Variants in BACH2 observed in about 807,000 individuals in gnomAD.
BACH2 encodes the protein transcription regulator protein BACH2.
Under a neutral mutation model 61.8 loss-of-function variants are expected in BACH2, and 5 were observed. The ratio of observed to expected loss-of-function variants is 0.08; its 90% confidence interval spans 0.04 to 0.17. The LOEUF is 0.17. BACH2 is among the 10% of genes least tolerant of loss of function. The probability of loss-of-function intolerance (pLI) is 1.00; values close to 1 mark genes in which losing one functional copy is unlikely to be tolerated. For synonymous variants in BACH2, 446 were observed against 440.1 expected (o/e 1.01, Z -0.17); for missense variants, 824 against 1,091.1 (o/e 0.76, Z 3.45).
intron 4 of BACH2, among the ~76,000 whole-genome samples, chr6:90,191,959 A>T (rs560301099): frequency 6.6e-6 from 1 of 152,368 alleles, no homozygotes; most frequent in South Asian, 2.1e-4. Flanking sequence ...TAACCATTAT[A>T]AATGAAAAGG....
chr6:90,015,075 C>A (rs1777987093), intron 5 of BACH2, among the ~76,000 whole-genome samples: 1 of 152,002 alleles, frequency 6.6e-6, no homozygotes, highest in South Asian at 2.1e-4. Flanking sequence ...AGCCACCACA[C>A]CCAGCCCATA....
chr6:90,076,847 C>A (rs1433393813), intron 5 of BACH2, among the ~76,000 whole-genome samples: 4 of 152,130 alleles, frequency 2.6e-5, no homozygotes, highest in Non-Finnish European at 1.5e-5. Context: ...TAATTACAAA[C>A]CTGGGTTAAA....
intron 2 of BACH2, among the ~76,000 whole-genome samples, chr6:90,256,534 A>G (rs1770984615): frequency 6.6e-6 from 1 of 152,216 alleles, no homozygotes; most frequent in Non-Finnish European, 1.5e-5. Flanking sequence ...CCTACCATTC[A>G]TCAACACCCA....
At chr6:90,210,181 G>T (rs901559710) in intron 3 of BACH2, among the ~76,000 whole-genome samples, 2 of 152,046 alleles carry the variant, frequency 1.3e-5, no homozygotes, top group South Asian at 2.1e-4. Flanking sequence ...AGAGGTAAAA[G>T]AATTTTTCCT....
At chr6:90,249,487 C>G (rs895608092) in intron 3 of BACH2, among the ~76,000 whole-genome samples, 3 of 152,124 alleles carry the variant, frequency 2.0e-5, no homozygotes, top group Non-Finnish European at 4.4e-5. Context: ...ATCATAAAAA[C>G]AGGCCAGGCG....
intron 4 of BACH2, among the ~76,000 whole-genome samples, chr6:90,101,664 T>C (rs1040151280): frequency 1.1e-4 from 16 of 152,210 alleles, no homozygotes; most frequent in Admixed American, 9.8e-4. Flanking sequence ...TCCCTTGCAT[T>C]TCCATATGAA....
At chr6:90,174,146 C>T (rs979043013) in intron 4 of BACH2, among the ~76,000 whole-genome samples, 1 of 151,976 alleles carries the variant, frequency 6.6e-6, no homozygotes, top group Non-Finnish European at 1.5e-5. Flanking sequence ...ATAAGACAGT[C>T]TCATTTATGA....
intron 4 of BACH2, among the ~76,000 whole-genome samples, chr6:90,119,427 C>A (rs1783534179): frequency 6.6e-6 from 1 of 152,096 alleles, no homozygotes; most frequent in South Asian, 2.1e-4. Flanking sequence ...TTGAGAAATG[C>A]ATTATTTAAA....
At chr6:90,112,806 G>A (rs1783232984) in intron 4 of BACH2, among the ~76,000 whole-genome samples, 1 of 152,062 alleles carries the variant, frequency 6.6e-6, no homozygotes, top group Non-Finnish European at 1.5e-5. Context: ...GGCACAGAGT[G>A]GCAAGCTGGA....
intron 3 of BACH2, among the ~76,000 whole-genome samples, chr6:90,244,727 C>G (rs999109130): frequency 9.9e-5 from 15 of 152,268 alleles, no homozygotes; most frequent in African/African-American, 3.4e-4. Flanking sequence ...CTGACACATC[C>G]CATGTTTACC....
intron 4 of BACH2, among the ~76,000 whole-genome samples, chr6:90,105,649 C>T (rs1448755293): frequency 1.3e-5 from 2 of 152,198 alleles, no homozygotes; most frequent in Non-Finnish European, 2.9e-5. Flanking sequence ...ACATATTACA[C>T]CCACTTTCAG....
intron 1 of BACH2, among the ~76,000 whole-genome samples, chr6:90,280,526 T>TAC (rs1771827669): frequency 6.6e-6 from 1 of 152,228 alleles, no homozygotes; most frequent in South Asian, 2.1e-4. Flanking sequence ...ACATACAGTT[T>TAC]ATTCTATAAA....
chr6:90,243,991 A>T (rs1395589643), intron 3 of BACH2, among the ~76,000 whole-genome samples: 1 of 152,114 alleles, frequency 6.6e-6, no homozygotes, highest in Non-Finnish European at 1.5e-5. Context: ...GCATGATCTC[A>T]GCTCACTGCA....
intron 4 of BACH2, among the ~76,000 whole-genome samples, chr6:90,125,641 T>A (rs1454537196): frequency 6.6e-6 from 1 of 152,216 alleles, no homozygotes; most frequent in Non-Finnish European, 1.5e-5. Context: ...ACGGGTCAGA[T>A]GCTGTGTACT....
At chr6:90,295,062 G>A (rs1175357885) in intron 1 of BACH2, among the ~76,000 whole-genome samples, 1 of 152,216 alleles carries the variant, frequency 6.6e-6, no homozygotes, top group Admixed American at 6.5e-5. Context: ...AGACAGCGAA[G>A]GTGAAAACCA....
At chr6:90,078,306 A>G (rs980457412) in intron 5 of BACH2, among the ~76,000 whole-genome samples, 3 of 152,192 alleles carry the variant, frequency 2.0e-5, no homozygotes, top group African/African-American at 7.2e-5. Flanking sequence ...TTAGAACTGA[A>G]CATCCATGTT....
chr6:90,277,387 A>G (rs1316301804), intron 1 of BACH2, among the ~76,000 whole-genome samples: 4 of 152,228 alleles, frequency 2.6e-5, no homozygotes, highest in Non-Finnish European at 5.9e-5. Context: ...GAAGTTAGAC[A>G]CAAAATAGTA....
At chr6:90,209,783 A>C (rs980931914) in intron 3 of BACH2, among the ~76,000 whole-genome samples, 1 of 152,106 alleles carries the variant, frequency 6.6e-6, no homozygotes, top group Non-Finnish European at 1.5e-5. Flanking sequence ...CCCCGCCCCA[A>C]CTGTTCTTAT....
intron 3 of BACH2, among the ~76,000 whole-genome samples, chr6:90,208,909 T>C (rs1216589226): frequency 6.6e-6 from 1 of 152,222 alleles, no homozygotes; most frequent in East Asian, 1.9e-4. Flanking sequence ...TGCAGGGATA[T>C]GGAGGAAACT....
Sources: gnomAD v4.1 joint callset for allele counts (sites outside exome capture counted in the v4.1 genomes callset) on GRCh38, gnomAD v4.1.1 for gene constraint, MANE v1.5 for transcripts, NCBI Gene and HGNC (gene_info 2026-07-23, HGNC 2026-07-21) for gene names.